Variants in LRRC8D observed in about 807,000 individuals in gnomAD.
LRRC8D encodes the protein leucine rich repeat containing 8 VRAC subunit D.
LRRC8D carries 20 observed loss-of-function variants against 55.8 expected under a neutral mutation model. The observed-to-expected ratio is 0.36, with a 90% CI of 0.25 to 0.52. The LOEUF (loss-of-function observed/expected upper bound fraction) is 0.52. LRRC8D is among the 20% of genes least tolerant of loss of function. LRRC8D has a pLI of 0.93. For synonymous variants in LRRC8D, 352 were observed against 377.0 expected (o/e 0.93, Z 0.77); for missense variants, 651 against 1,030.8 (o/e 0.63, Z 5.05).
intron 2 of LRRC8D, among the ~76,000 whole-genome samples, chr1:89,890,891 AT>A (rs1170814257): frequency 6.6e-6 from 1 of 150,912 alleles, no homozygotes; most frequent in African/African-American, 2.4e-5. Context: ...TTTGTTTTTT[AT>A]TTTTTTTAGA....
intron 2 of LRRC8D, among the ~76,000 whole-genome samples, chr1:89,912,641 G>T (rs75329567): frequency 6.6e-6 from 1 of 151,994 alleles, no homozygotes; most frequent in African/African-American, 2.4e-5. Flanking sequence ...GCTCTCACAA[G>T]TCTTACCCTG....
rs1663858826 is a variant in LRRC8D at position 89,936,440 on chromosome 1, T to G, written c.*795T>G. Reference sequence around the variant, plus strand: ...AATTTTATTACAACAAAATAAAAATTTTAATGACTTATTAACACAACCTCC... The same window carrying G: ...AATTTTATTACAACAAAATAAAAATGTTAATGACTTATTAACACAACCTCC... On this transcript the variant is annotated 3_prime_UTR_variant, in exon 3 of 3. Transcript: ENST00000337338. 6.3e-6 allele frequency: 1 copy of G among 158,014 alleles called. No individual in the cohort carries two copies. The highest frequency in any genetic ancestry group is 6.5e-5 in the Admixed American group (1 of 15,278). The allele number at this position is 158,014 out of a possible 1,614,324, so 9.8% of individuals were successfully genotyped here.
intron 2 of LRRC8D, among the ~76,000 whole-genome samples, chr1:89,872,347 G>A (rs1289515443): frequency 6.6e-6 from 1 of 152,216 alleles, no homozygotes; most frequent in African/African-American, 2.4e-5. Flanking sequence ...CATTGCCAAG[G>A]CATAAGGTCG....
In LRRC8D at chr1:89,933,870, A is replaced by T. The variant is rs528095720; in HGVS notation, c.802A>T (p.Ile268Phe). ...GFKFSAEKPV[I>F]EVPSMTILDK... ...TAAATTTTCAGCTGAGAAGCCTGTGATTGAAGTTCCCAGCATGACAATCCT... is the reference window on the plus strand; with the variant it reads ...TAAATTTTCAGCTGAGAAGCCTGTGTTTGAAGTTCCCAGCATGACAATCCT... The change falls in exon 3 of 3, where the codon ATT becomes TTT. Residue 268 changes from isoleucine (I) to phenylalanine (F), a missense_variant. Coordinates refer to ENST00000337338, the MANE Select transcript of LRRC8D (RefSeq NM_001134479.2). The surrounding 1 kb of genome is among the most constrained non-coding windows in gnomAD (Gnocchi z 7.0). 1.2e-6 allele frequency: 2 copies of T among 1,613,886 alleles called. No individual in the cohort carries two copies. Among genetic ancestry groups the T allele is most frequent in the Admixed American group, 3.3e-5 (2 of 59,968 alleles).
intron 2 of LRRC8D, among the ~76,000 whole-genome samples, chr1:89,915,357 A>G (rs1483828772): frequency 6.6e-6 from 1 of 152,260 alleles, no homozygotes; most frequent in Non-Finnish European, 1.5e-5. Flanking sequence ...AACATGTTGT[A>G]TATAAAGTCA....
intron 2 of LRRC8D, among the ~76,000 whole-genome samples, chr1:89,870,027 G>T (rs1372340045): frequency 6.6e-6 from 1 of 152,030 alleles, no homozygotes; most frequent in Non-Finnish European, 1.5e-5. Context: ...AGAATTGCTT[G>T]AACCCAGGAG....
At chr1:89,821,986 T>C (rs911632681) in intron 1 of LRRC8D, 1 of 152,258 alleles carries the variant, frequency 6.6e-6, no homozygotes, top group Non-Finnish European at 1.5e-5. Flanking sequence ...TCAAATCCTG[T>C]CCAGGGGCTT....
chr1:89,887,725 A>G (rs1662458861), intron 2 of LRRC8D, among the ~76,000 whole-genome samples: 2 of 152,084 alleles, frequency 1.3e-5, no homozygotes, highest in African/African-American at 4.8e-5. Context: ...TCTATCCTGT[A>G]TAGTATCCTC....
At chr1:89,887,651 C>G (rs114567017) in intron 2 of LRRC8D, among the ~76,000 whole-genome samples, 2,346 of 152,288 alleles carry the variant, frequency 0.015, 58 homozygotes, top group African/African-American at 0.054. Context: ...CCCTGGTAAT[C>G]TAACCTTTTT....
chr1:89,935,055 C>G lies in LRRC8D; in HGVS notation c.1987C>G (p.Leu663Val). Residue 663 changes from leucine (L) to valine (V), a missense_variant, in exon 3 of 3, where the codon CTG becomes GTG. Physicochemically the swap from Leu to Val is conservative, Grantham distance 32. This residue lies in a region of LRRC8D where 338 missense variants were observed against 479.4 expected (regional missense o/e 0.71). Coordinates refer to ENST00000337338, the MANE Select transcript of LRRC8D (RefSeq NM_001134479.2). ...TTTCAGCCTCTCTAATTTACAGGAA[C>G]TGGATTTAAAGTCCAATAACATTCG... Reference protein sequence around the residue: ...AIFSLSNLQELDLKSNNIRTI... With the variant: ...AIFSLSNLQEVDLKSNNIRTI... 6.2e-7 allele frequency: 1 copy of G among 1,614,188 alleles called. No homozygotes were observed. The highest frequency in any genetic ancestry group is 8.5e-7 in the Non-Finnish European group (1 of 1,180,034).
intron 2 of LRRC8D, among the ~76,000 whole-genome samples, chr1:89,913,480 T>C (rs969520863): frequency 1.3e-5 from 2 of 152,242 alleles, no homozygotes; most frequent in African/African-American, 4.8e-5. Flanking sequence ...CTTCTTTCTT[T>C]TTTCCTTCTA....
At chr1:89,889,910 G>A (rs755214427) in intron 2 of LRRC8D, among the ~76,000 whole-genome samples, 4 of 151,562 alleles carry the variant, frequency 2.6e-5, no homozygotes, top group Non-Finnish European at 5.9e-5. Flanking sequence ...AAAATAGGCC[G>A]GATGCGGTGG....
intron 2 of LRRC8D, among the ~76,000 whole-genome samples, chr1:89,855,597 G>A (rs971505384): frequency 6.6e-6 from 1 of 152,176 alleles, no homozygotes; most frequent in Non-Finnish European, 1.5e-5. Context: ...GAAACAGGGT[G>A]TAACAGTTTT....
chr1:89,855,075 T>C (rs1228871735), intron 2 of LRRC8D, among the ~76,000 whole-genome samples: 2 of 152,124 alleles, frequency 1.3e-5, no homozygotes, highest in Non-Finnish European at 2.9e-5. Flanking sequence ...CTCTCTCTGG[T>C]TGCATTTTCT....
chr1:89,902,484 C>G (rs1263502270), intron 2 of LRRC8D, among the ~76,000 whole-genome samples: 2 of 152,108 alleles, frequency 1.3e-5, no homozygotes, highest in African/African-American at 4.8e-5. Flanking sequence ...GAAGAATGAC[C>G]AAGTTGAGTC....
chr1:89,822,294 G>A (rs999693127), intron 1 of LRRC8D: 1 of 152,786 alleles, frequency 6.5e-6, no homozygotes, highest in Non-Finnish European at 1.5e-5. Flanking sequence ...GGAAACAGCC[G>A]AGATGAGAGG....
intron 2 of LRRC8D, among the ~76,000 whole-genome samples, chr1:89,923,751 C>CA (rs1207348999): frequency 3.9e-5 from 6 of 152,186 alleles, no homozygotes; most frequent in Non-Finnish European, 8.8e-5. Flanking sequence ...ACCACTGGAA[C>CA]AGGACAGAGT....
Position 89,825,585 on chromosome 1 carries a change from T to A in LRRC8D, c.-148+4294T>A, listed in dbSNP as rs74447219. ...AGCTTTGTTTTCTTTTTTGCTAATA[T>A]GCCTCAAATATTTAGTGACAGCCTT... On this transcript the variant is annotated intron_variant, in intron 1 of 2. Transcript: ENST00000337338. 6.8e-3 allele frequency among the ~76,000 whole-genome samples: 1,040 copies of A among 152,342 alleles called. 10 individuals are homozygous for A. The highest frequency in any genetic ancestry group is 0.023 in the African/African-American group (948 of 41,572).
At chr1:89,836,956 A>T (rs1183355643) in intron 1 of LRRC8D, among the ~76,000 whole-genome samples, 2 of 152,136 alleles carry the variant, frequency 1.3e-5, no homozygotes, top group Non-Finnish European at 2.9e-5. Flanking sequence ...CTTTTTCTTC[A>T]TCATACTAGT....
Sources: allele counts gnomAD v4.1 joint callset (sites outside exome capture counted in the v4.1 genomes callset), GRCh38; gene constraint gnomAD v4.1.1; regional missense constraint gnomAD v4.1.1; non-coding constraint Gnocchi (gnomAD v3.1); transcripts MANE v1.5; gene names NCBI Gene and HGNC (gene_info 2026-07-23, HGNC 2026-07-21).